The following DGKB variants were observed in gnomAD, a reference collection of about 807,000 sequenced individuals.
The protein encoded by DGKB is diacylglycerol kinase beta.
DGKB carries 67 observed loss-of-function variants against 114.3 expected under a neutral mutation model. The observed-to-expected ratio is 0.59, with a 90% CI of 0.48 to 0.72. The LOEUF (loss-of-function observed/expected upper bound fraction) is 0.72. Among genes scored for constraint, DGKB ranks in the 30% least tolerant of loss-of-function variants. The pLI, the probability that DGKB is intolerant of heterozygous loss-of-function variation, is 0.00. For missense variants in DGKB, 907 were observed against 975.2 expected (o/e 0.93, Z 0.93); for synonymous variants, 398 against 323.1 (o/e 1.23, Z -2.49).
Position 14,148,813 on chromosome 7 carries a change from T to A in DGKB, c.*318A>T. 1 of 353,610 alleles carries A rather than the reference T, an allele frequency of 2.8e-6. No homozygotes were observed. Among genetic ancestry groups the A allele is most frequent in the Non-Finnish European group, 5.2e-6 (1 of 192,590 alleles). 21.9% of individuals were successfully genotyped at this position (353,610 alleles called of 1,614,324 possible). A position where few individuals can be genotyped will look rare whatever the true frequency, so the allele number is the denominator to read the frequency against. On this transcript the variant is annotated 3_prime_UTR_variant, in exon 26 of 26. Coordinates refer to ENST00000402815, the MANE Select transcript of DGKB (RefSeq NM_001350709.2). The stretch of plus-strand genomic sequence containing the variant: ...TATTTCCTTTTTCATGTTTCACGGG[T>A]TTTTCTCACAGGTTAGTAAAAGGAA...
intron 20 of DGKB, among the ~76,000 whole-genome samples, chr7:14,508,824 T>TC (rs59913780): frequency 0.015 from 2,346 of 152,268 alleles, 53 homozygotes; most frequent in African/African-American, 0.053. Flanking sequence ...TCTAGTGTTT[T>TC]TGTTACTATA....
At chr7:14,529,957 T>C (rs757406381) in intron 20 of DGKB, among the ~76,000 whole-genome samples, 10 of 151,748 alleles carry the variant, frequency 6.6e-5, no homozygotes, top group Admixed American at 1.3e-4. Flanking sequence ...ACTTATAAAG[T>C]TGTTACTCTT....
intron 21 of DGKB, among the ~76,000 whole-genome samples, chr7:14,474,141 T>C (rs992656749): frequency 6.6e-6 from 1 of 152,200 alleles, no homozygotes; most frequent in Non-Finnish European, 1.5e-5. Context: ...AAATATCATC[T>C]TGAATTTCCA....
intron 1 of DGKB, among the ~76,000 whole-genome samples, chr7:14,849,123 G>A (rs1436748869): frequency 1.3e-5 from 2 of 152,076 alleles, no homozygotes; most frequent in African/African-American, 4.8e-5. Context: ...AGAGTTTAAT[G>A]AAAAGATTAT....
At chr7:14,637,154 C>A (rs1810899477) in intron 13 of DGKB, among the ~76,000 whole-genome samples, 2 of 151,796 alleles carry the variant, frequency 1.3e-5, no homozygotes, top group Admixed American at 6.6e-5. Flanking sequence ...AAATAAATAA[C>A]CCGTGTACAA....
rs192377300 is a variant in DGKB at position 14,519,017 on chromosome 7, C to A, written c.1771-40792G>T. 4.0e-3 allele frequency among the ~76,000 whole-genome samples: 604 copies of A among 152,052 alleles called. 2 individuals carry two copies. Among genetic ancestry groups the A allele is most frequent in the Non-Finnish European group, 6.1e-3 (414 of 67,930 alleles). On this transcript the variant is annotated intron_variant, in intron 20 of 25. Transcript: ENST00000402815. ...CCACTTTGGTCATAATTTGAAAAAC[C>A]CTACACACGGAGTTTTTTCATTTAA...
Position 14,672,942 on chromosome 7 carries a change from C to A in DGKB, c.1121G>T (p.Cys374Phe). The A allele has an allele frequency of 1.3e-6, 2 of 1,565,542 alleles. No individual in the cohort carries two copies. Among genetic ancestry groups the A allele is most frequent in the East Asian group, 2.3e-5 (1 of 42,942 alleles). Residue 374 changes from cysteine to phenylalanine, a missense_variant, in exon 13 of 26, where the codon TGT becomes TTT. Cys to Phe is a radical substitution (Grantham distance 205). This residue lies in a region of DGKB where 814 missense variants were observed against 856.6 expected (regional missense o/e 0.95). Coordinates refer to ENST00000402815, the MANE Select transcript of DGKB (RefSeq NM_001350709.2). Reference sequence around the variant, plus strand: ...GGAAAAACTCACCAGTACCACTGGACAGATTGTTGTGGGTGGTAAAATATG... The same window carrying A: ...GGAAAAACTCACCAGTACCACTGGAAAGATTGTTGTGGGTGGTAAAATATG... ...KDHILPPTTI[C>F]PVVLTLPTSG...
chr7:14,185,922 A>G (rs1355795290), intron 23 of DGKB, among the ~76,000 whole-genome samples: 1 of 152,242 alleles, frequency 6.6e-6, no homozygotes, highest in Non-Finnish European at 1.5e-5. Context: ...ATTCTAGAAG[A>G]TAACATTGGA....
At chr7:14,961,552 G>T (rs545794151) in intron 1 of DGKB, among the ~76,000 whole-genome samples, 2 of 152,270 alleles carry the variant, frequency 1.3e-5, no homozygotes, top group East Asian at 3.9e-4. Flanking sequence ...GTGGTTGGGA[G>T]CAACAGCTTC....
intron 2 of DGKB, among the ~76,000 whole-genome samples, chr7:14,798,815 G>A (rs1167254704): frequency 6.6e-6 from 1 of 152,214 alleles, no homozygotes; most frequent in African/African-American, 2.4e-5. Flanking sequence ...ATGCCTAATT[G>A]TAACAGATAT....
intron 23 of DGKB, among the ~76,000 whole-genome samples, chr7:14,199,439 G>A (rs1252400872): frequency 6.6e-6 from 1 of 151,976 alleles, no homozygotes; most frequent in African/African-American, 2.4e-5. Flanking sequence ...GACACCTCCG[G>A]AAAGGGCAAA....
intron 20 of DGKB, among the ~76,000 whole-genome samples, chr7:14,550,847 A>C (rs1010606340): frequency 6.6e-6 from 1 of 152,234 alleles, no homozygotes; most frequent in African/African-American, 2.4e-5. Flanking sequence ...CTAAAGAGGT[A>C]GATAATGTAG....
chr7:14,340,910 C>T (rs1446387034), intron 22 of DGKB, among the ~76,000 whole-genome samples: 1 of 151,484 alleles, frequency 6.6e-6, no homozygotes, highest in East Asian at 1.9e-4. Context: ...CCCACTGTGA[C>T]AAGTTACTTT....
chr7:14,654,608 C>A (rs1352496361), intron 13 of DGKB, among the ~76,000 whole-genome samples: 1 of 151,894 alleles, frequency 6.6e-6, no homozygotes, highest in Non-Finnish European at 1.5e-5. Flanking sequence ...GGAGGAATAA[C>A]ACTATGTGAC....
At chr7:14,302,505 C>G (rs1278161450) in intron 23 of DGKB, among the ~76,000 whole-genome samples, 1 of 152,084 alleles carries the variant, frequency 6.6e-6, no homozygotes, top group African/African-American at 2.4e-5. Flanking sequence ...CATCTGGAAA[C>G]AGCCTGCCCC....
At chr7:14,397,508 A>G (rs1012062648) in intron 21 of DGKB, among the ~76,000 whole-genome samples, 2 of 152,066 alleles carry the variant, frequency 1.3e-5, no homozygotes, top group Non-Finnish European at 2.9e-5. Flanking sequence ...CACCTCTCTG[A>G]GAGTCTAGAA....
rs190546316 is a variant in DGKB at position 14,828,319 on chromosome 7, G to C, written c.70+12875C>G. On this transcript the variant is annotated intron_variant, in intron 2 of 25. Coordinates refer to ENST00000402815, the MANE Select transcript of DGKB (RefSeq NM_001350709.2). ...TCCCTGTGATTTCCATTAATTCAAA[G>C]AGAAGCAAGATGGGAAGTCAGAGGT... Among the ~76,000 whole-genome samples, 287 of 152,082 alleles carry C rather than the reference G, an allele frequency of 1.9e-3. 1 individual carries two copies. Among genetic ancestry groups the C allele is most frequent in the African/African-American group, 6.6e-3 (274 of 41,498 alleles).
intron 2 of DGKB, among the ~76,000 whole-genome samples, chr7:14,787,343 A>G (rs1397028712): frequency 6.6e-6 from 1 of 152,228 alleles, no homozygotes; most frequent in Admixed American, 6.5e-5. Flanking sequence ...AGTCCTACTT[A>G]TTACACAGAA....
intron 21 of DGKB, among the ~76,000 whole-genome samples, chr7:14,435,806 G>A (rs759069314): frequency 5.3e-5 from 8 of 151,982 alleles, no homozygotes; most frequent in Non-Finnish European, 8.8e-5. Flanking sequence ...TATAAATTAT[G>A]TTAGAAAGCA....
Sources: gnomAD v4.1 joint callset for allele counts (sites outside exome capture counted in the v4.1 genomes callset) on GRCh38, gnomAD v4.1.1 for gene constraint, gnomAD v4.1.1 regional missense constraint, MANE v1.5 for transcripts, NCBI Gene and HGNC (gene_info 2026-07-23, HGNC 2026-07-21) for gene names.